The following ETNK2 variants were observed in gnomAD, a reference collection of about 807,000 sequenced individuals.
ETNK2 encodes ethanolamine kinase-like protein.
A neutral mutation model predicts 46.2 loss-of-function variants in ETNK2; 33 were observed. The ratio of observed to expected loss-of-function variants is 0.71; its 90% confidence interval spans 0.54 to 0.96. The LOEUF (loss-of-function observed/expected upper bound fraction) is 0.96, where lower values mean the gene tolerates loss of function less well. Ranked by LOEUF, ETNK2 falls within the 40% of genes least tolerant of loss-of-function variation. The pLI, the probability that ETNK2 is intolerant of heterozygous loss-of-function variation, is 0.00. For missense variants in ETNK2, 445 were observed against 509.7 expected (o/e 0.87, Z 1.22); for synonymous variants, 194 against 209.0 (o/e 0.93, Z 0.62).
Position 204,151,435 on chromosome 1 carries a change from G to A in ETNK2, c.258+160C>T, listed in dbSNP as rs1301357550. 1.8e-5 allele frequency: 19 copies of A among 1,072,430 alleles called. No homozygotes were observed. The highest frequency in any genetic ancestry group is 1.8e-5 in the Non-Finnish European group (14 of 758,964). The allele number at this position is 1,072,430 out of a possible 1,614,324, so 66.4% of individuals were successfully genotyped here. A position where few individuals can be genotyped will look rare whatever the true frequency, so the allele number is the denominator to read the frequency against. ...GAGGTGTGAGCCTAGTTTTGGTAGCGACGAAATCAATCCGTACACAAACCA... is the reference window on the plus strand; with the variant it reads ...GAGGTGTGAGCCTAGTTTTGGTAGCAACGAAATCAATCCGTACACAAACCA... On this transcript the variant is annotated intron_variant, in intron 1 of 7. Transcript: ENST00000367202. The surrounding 1 kb of genome is among the most constrained non-coding windows in gnomAD (Gnocchi z 8.0).
Position 204,141,340 on chromosome 1 carries a change from C to A in ETNK2, c.759G>T (p.Lys253Asn). 6.2e-7 allele frequency: 1 copy of A among 1,614,052 alleles called. No individual in the cohort carries two copies. Among genetic ancestry groups the A allele is most frequent in the Non-Finnish European group, 8.5e-7 (1 of 1,179,902 alleles). ...CTTTGATGCTGTCATAGATGATATT[C>A]TTGCAGAGCAGGTCATTGTGACAAA... ...VVFCHNDLLC[K>N]NIIYDSIKGH... The change falls in exon 4 of 8, where the codon AAG becomes AAT. Residue 253 changes from lysine (K) to asparagine (N), a missense_variant. Lys to Asn is a moderately conservative substitution (Grantham distance 94). Transcript: ENST00000367202.
In ETNK2 at chr1:204,137,069, C is replaced by G. The variant is rs150586165; in HGVS notation, c.1014+35G>C. 67 of 1,609,246 alleles carry G rather than the reference C, an allele frequency of 4.2e-5. 1 individual carries two copies. In the East Asian group the frequency reaches 1.5e-3, roughly 35 times the overall value. On this transcript the variant is annotated intron_variant, in intron 6 of 7. Transcript: ENST00000367202. ...CACCAGTCCCTCCTGCTAACTCCTC[C>G]TTTCCTGCCCCAGCCCTAGAAATAA...
Position 204,131,909 on chromosome 1 carries a change from G to A in ETNK2, c.*275C>T, listed in dbSNP as rs969607568. 6.3e-6 allele frequency: 3 copies of A among 477,638 alleles called. No homozygotes were observed. Among genetic ancestry groups the A allele is most frequent in the African/African-American group, 5.8e-5 (3 of 51,604 alleles). 29.6% of individuals were successfully genotyped at this position (477,638 alleles called of 1,614,324 possible). ...GGGAATGATGTGTTTCCCAGGGGTGGTTATGGTTCAGGACCTGGCTGCAGG... is the reference window on the plus strand; with the variant it reads ...GGGAATGATGTGTTTCCCAGGGGTGATTATGGTTCAGGACCTGGCTGCAGG... On this transcript the variant is annotated 3_prime_UTR_variant, in exon 8 of 8. Coordinates refer to ENST00000367202, the MANE Select transcript of ETNK2 (RefSeq NM_018208.4). The surrounding 1 kb of genome is among the most constrained non-coding windows in gnomAD (Gnocchi z 4.3).
Position 204,149,946 on chromosome 1 carries a change from A to T in ETNK2, c.275T>A (p.Ile92Asn), listed in dbSNP as rs1657942095. The T allele has an allele frequency of 7.8e-7, 1 of 1,280,430 alleles. No homozygotes were observed. The highest frequency in any genetic ancestry group is 2.6e-5 in the Admixed American group (1 of 37,890). The allele number at this position is 1,280,430 out of a possible 1,614,324, so 79.3% of individuals were successfully genotyped here. A position where few individuals can be genotyped will look rare whatever the true frequency, so the allele number is the denominator to read the frequency against. ...ATAGCAGGCCACCAGCTTGTTGGTG[A>T]TGCCATCCGTGAAGCGCTAGCATGG... Reference protein sequence around the residue: ...QVRTKRFTDGITNKLVACYVE... With the variant: ...QVRTKRFTDGNTNKLVACYVE... Residue 92 changes from isoleucine to asparagine, a missense_variant, in exon 2 of 8, where the codon ATC becomes AAC. By Grantham distance (149) the Ile-to-Asn change is moderately radical (BLOSUM62 -3). Coordinates refer to ENST00000367202, the MANE Select transcript of ETNK2 (RefSeq NM_018208.4).
Position 204,151,412 on chromosome 1 carries a change from G to T in ETNK2, c.258+183C>A. ...GGGGGGCGTGTGCAGGGCCAAGGGAGGTGTGAGCCTAGTTTTGGTAGCGAC... is the reference window on the plus strand; with the variant it reads ...GGGGGGCGTGTGCAGGGCCAAGGGATGTGTGAGCCTAGTTTTGGTAGCGAC... On this transcript the variant is annotated intron_variant, in intron 1 of 7. Transcript: ENST00000367202. This position sits in a 1 kb window ranked among gnomAD's most constrained non-coding sequence, Gnocchi z 8.0. 1 of 869,006 alleles carries T rather than the reference G, an allele frequency of 1.2e-6. No individual in the cohort carries two copies. The highest frequency in any genetic ancestry group is 1.8e-5 in the South Asian group (1 of 56,996). The allele number at this position is 869,006 out of a possible 1,614,324, so 53.8% of individuals were successfully genotyped here.
At chr1:204,135,464 G>A (rs760618584) in intron 6 of ETNK2, among the ~76,000 whole-genome samples, 2 of 152,114 alleles carry the variant, frequency 1.3e-5, no homozygotes, top group Non-Finnish European at 2.9e-5. Context: ...AGGGAGCTGC[G>A]GTTCCCGTCT....
At chr1:204,141,625 CT>C (rs1657544862) in intron 3 of ETNK2, 168 bp from the exon 4 acceptor site, 1 of 680,742 alleles carries the variant, frequency 1.5e-6, no homozygotes, top group South Asian at 1.9e-5. Context: ...TAAAATGGCA[CT>C]GAGGCGTCCT....
At chr1:204,149,572 C>A in intron 2 of ETNK2, 131 bp downstream of exon 2, 2 of 1,137,990 alleles carry the variant, frequency 1.8e-6, no homozygotes, top group Non-Finnish European at 1.2e-6. Flanking sequence ...TGCATATAAA[C>A]ATGCATTTTT....
intron 3 of ETNK2, among the ~76,000 whole-genome samples, chr1:204,143,559 G>A (rs533196658): frequency 1.3e-5 from 2 of 152,138 alleles, no homozygotes; most frequent in African/African-American, 4.8e-5. Flanking sequence ...AACCACCACC[G>A]CATCCCAGAA....
chr1:204,145,538 A>G (rs1657748074), intron 3 of ETNK2, among the ~76,000 whole-genome samples: 1 of 152,384 alleles, frequency 6.6e-6, no homozygotes, highest in Non-Finnish European at 1.5e-5. Flanking sequence ...AATATTTGAC[A>G]TACAAGGTCT....
chr1:204,137,345 C>CATCTCCTT, intron 5 of ETNK2, 96 bp from the exon 6 acceptor site: 1 of 1,445,406 alleles, frequency 6.9e-7, no homozygotes, highest in Non-Finnish European at 9.3e-7. Context: ...CTCAAACTCC[C>CATCTCCTT]ATCTCCTTTG....
At chr1:204,140,397 G>A (rs1657461300) in intron 4 of ETNK2, among the ~76,000 whole-genome samples, 1 of 152,106 alleles carries the variant, frequency 6.6e-6, no homozygotes, top group Non-Finnish European at 1.5e-5. Flanking sequence ...AAAGACAGCT[G>A]TCCTCAGCAT....
At chr1:204,141,267 C>T in intron 4 of ETNK2, 48 bp downstream of exon 4, 3 of 1,613,232 alleles carry the variant, frequency 1.9e-6, no homozygotes, top group Non-Finnish European at 2.5e-6. Context: ...AGCCAGCTAA[C>T]CAACCAACCA....
chr1:204,151,828 GAGGGGCCGAAGGGGGCACAGCCATTCC>G lies in ETNK2; in HGVS notation c.-3_24del. ...CTCAGGTGAAAGGACGCGCGCGGCT[GAGGGGCCGAAGGGGGCACAGCCATTCC>G]CAGCAGCCCCACCCCCTCGGAGCCG... On this transcript the variant is annotated start_lost and 5_prime_UTR_variant, in exon 1 of 8. Coordinates refer to ENST00000367202, the MANE Select transcript of ETNK2 (RefSeq NM_018208.4). The surrounding 1 kb of genome is among the most constrained non-coding windows in gnomAD (Gnocchi z 8.0). 1 of 1,472,702 alleles carries G rather than the reference GAGGGGCCGAAGGGGGCACAGCCATTCC, an allele frequency of 6.8e-7. No homozygotes were observed. The highest frequency in any genetic ancestry group is 1.4e-5 in the South Asian group (1 of 70,796). 91.2% of individuals were successfully genotyped at this position (1,472,702 alleles called of 1,614,324 possible).
At chr1:204,141,221 C>G in intron 4 of ETNK2, 94 bp downstream of exon 4, 2 of 1,509,264 alleles carry the variant, frequency 1.3e-6, no homozygotes, top group Non-Finnish European at 1.8e-6. Context: ...CTAACTTTTG[C>G]TTGTCCAAGT....
intron 2 of ETNK2, chr1:204,147,711 T>C (rs1175138067): frequency 5.2e-6 from 2 of 381,206 alleles, no homozygotes; most frequent in East Asian, 7.0e-5. Flanking sequence ...GTATCCTTTC[T>C]CTTGCCAGGC....
intron 4 of ETNK2, 82 bp from the exon 5 acceptor site, chr1:204,140,200 G>T: frequency 8.6e-7 from 1 of 1,162,984 alleles, no homozygotes; most frequent in Non-Finnish European, 1.3e-6. Flanking sequence ...AGACCTCTGG[G>T]ATGCACCCAC....
chr1:204,141,606 T>C lies in ETNK2; in HGVS notation c.642-149A>G, dbSNP rs1212492007. 4 of 813,920 alleles carry C rather than the reference T, an allele frequency of 4.9e-6. No individual in the cohort carries two copies. In the African/African-American group the frequency reaches 5.2e-5, roughly 11 times the overall value. The allele number at this position is 813,920 out of a possible 1,614,324, so 50.4% of individuals were successfully genotyped here. A position where few individuals can be genotyped will look rare whatever the true frequency, so the allele number is the denominator to read the frequency against. On this transcript the variant is annotated intron_variant, in intron 3 of 7. Transcript: ENST00000367202. ...GGCCAATCTCTTAGACCCTCACTTT[T>C]ATCATCTGTAAAATGGCACTGAGGC...
chr1:204,146,735 T>G lies in ETNK2; in HGVS notation c.548A>C (p.His183Pro), dbSNP rs755701277. The G allele has an allele frequency of 6.2e-7, 1 of 1,614,022 alleles. No individual in the cohort carries two copies. The highest frequency in any genetic ancestry group is 1.7e-5 in the Admixed American group (1 of 60,026). ...RLIALEMAKI[H>P]TIHANGSLPK... ...CAGGCTGCCGTTGGCGTGGATAGTA[T>G]GAATCTTTGCCATTTCTAAGGCGAT... Residue 183 changes from histidine to proline, a missense_variant, in exon 3 of 8, where the codon CAT (histidine) becomes CCT (proline). By Grantham distance (77) the His-to-Pro change is moderately conservative. Transcript: ENST00000367202.
Sources: gnomAD v4.1 joint callset for allele counts (sites outside exome capture counted in the v4.1 genomes callset) on GRCh38, gnomAD v4.1.1 for gene constraint, Gnocchi (gnomAD v3.1) non-coding constraint, MANE v1.5 for transcripts, NCBI Gene and HGNC (gene_info 2026-07-23, HGNC 2026-07-21) for gene names.